Variants in POLR3D observed in about 807,000 individuals in gnomAD.
POLR3D encodes the protein DNA-directed RNA polymerase III subunit RPC4.
Under a neutral mutation model 44.5 loss-of-function variants are expected in POLR3D, and 42 were observed. The ratio of observed to expected loss-of-function variants is 0.94; its 90% CI spans 0.74 to 1.22. The LOEUF (loss-of-function observed/expected upper bound fraction) is 1.22. Ranked by LOEUF, POLR3D falls within the 50% of genes most tolerant of loss-of-function variation. The pLI is 0.00. For synonymous variants in POLR3D, 217 were observed against 198.1 expected, an observed-to-expected ratio of 1.10 and a Z score of -0.80; for missense variants, 507 against 505.2, an observed-to-expected ratio of 1.00 and a Z score of -0.03.
rs551811530 is a variant in POLR3D, at chr8:22,251,102, T to C, written c.*584T>C. The C allele has an allele frequency of 6.5e-6, 1 of 154,324 alleles. No individual in the cohort carries two copies. The highest frequency in any genetic ancestry group is 1.5e-5 in the Non-Finnish European group (1 of 68,942). 9.6% of individuals were successfully genotyped at this position (154,324 alleles called of 1,614,324 possible). On this transcript the variant is annotated 3_prime_UTR_variant, in exon 9 of 9. Coordinates refer to ENST00000306433, the MANE Select transcript of POLR3D (RefSeq NM_001722.3). ...TGGCGTGAGGATTCATGGGCTATTA[T>C]AGATGAAAACTGCACAAGGCCAGAA... is the stretch of plus-strand genomic sequence containing the variant.
rs573280917 is a variant in POLR3D, at chr8:22,253,774, C to G, written c.*3256C>G. The G allele has an allele frequency of 6.6e-6, 1 of 152,324 alleles. No homozygotes were observed. Among genetic ancestry groups the G allele is most frequent in the East Asian group, 1.9e-4 (1 of 5,188 alleles). 9.4% of individuals were successfully genotyped at this position (152,324 alleles called of 1,614,324 possible). A position where few individuals can be genotyped will look rare whatever the true frequency, so the allele number is the denominator to read the frequency against. On this transcript the variant is annotated 3_prime_UTR_variant, in exon 9 of 9. Transcript: ENST00000306433. ...TTACTGCAACTCTGTCTCCCAGGTT[C>G]AAGTGATCCTCCCGCCTCAGCCCCC...
At chr8:22,247,331 A>C in intron 3 of POLR3D, 67 bp downstream of exon 3, 14 of 1,240,562 alleles carry the variant, frequency 1.1e-5, no homozygotes, top group East Asian at 2.3e-5. Flanking sequence ...GCTTTGGGGG[A>C]AATAACTAGG....
rs377439860 is a variant in POLR3D, at chr8:22,250,356, C to T, written c.1075-40C>T. On this transcript the variant is annotated intron_variant, in intron 8 of 8. Transcript: ENST00000306433. ...CATTCACAGCTCTACACGCCGGGCA[C>T]GTGGTGGTGGTTCTCATCACTGTCT... 7.0e-5 allele frequency: 113 copies of T among 1,613,618 alleles called. 1 individual carries two copies. The African/African-American group carries it at 1.1e-3, about 16-fold the overall frequency.
In POLR3D at chr8:22,250,608, G is replaced by T. The variant is rs1830097251; in HGVS notation, c.*90G>T. On this transcript the variant is annotated 3_prime_UTR_variant, in exon 9 of 9. Transcript: ENST00000306433. Reference sequence around the variant, plus strand: ...CTTGAATCTGTGAGACCCAGAAGGGGCCCACTGAGCCCACTCACTCCAGCC... The same window carrying T: ...CTTGAATCTGTGAGACCCAGAAGGGTCCCACTGAGCCCACTCACTCCAGCC... 6.9e-7 allele frequency: 1 copy of T among 1,459,712 alleles called. No homozygotes were observed. 90.4% of individuals were successfully genotyped at this position (1,459,712 alleles called of 1,614,324 possible).
intron 7 of POLR3D, 99 bp downstream of exon 7, chr8:22,249,408 G>A (rs1830077816): frequency 1.5e-6 from 2 of 1,334,666 alleles, no homozygotes; most frequent in South Asian, 1.3e-5. Flanking sequence ...TGGCTGAAAT[G>A]GGACAATAAT....
At chr8:22,247,295 C>G in intron 3 of POLR3D, 31 bp downstream of exon 3, 2 of 1,571,686 alleles carry the variant, frequency 1.3e-6, no homozygotes, top group Non-Finnish European at 1.7e-6. Flanking sequence ...AATACTTGCC[C>G]CTTATTTACT....
In POLR3D at chr8:22,245,283, C is replaced by T. The variant is rs1830026072; in HGVS notation, c.-6+100C>T. On this transcript the variant is annotated intron_variant, in intron 1 of 8. Coordinates refer to ENST00000306433, the MANE Select transcript of POLR3D (RefSeq NM_001722.3). ...GAGGGCGTGTCGCGAGCCAAAGGCT[C>T]TCACCTGGGTGGTCCCGGGAGTCTC... is the stretch of plus-strand genomic sequence containing the variant. 3.2e-5 allele frequency: 18 copies of T among 562,124 alleles called. No homozygotes were observed. In the East Asian group the frequency reaches 5.4e-4, roughly 17 times the overall value. 34.8% of individuals were successfully genotyped at this position (562,124 alleles called of 1,614,324 possible). A position where few individuals can be genotyped will look rare whatever the true frequency, so the allele number is the denominator to read the frequency against.
In POLR3D at chr8:22,250,691, C is replaced by T. The variant is rs762474738; in HGVS notation, c.*173C>T. ...TTCCTCCCACAGCAGCTGTGAATGG[C>T]ACAGTGACCTTCCTGCAGCGTGGAG... On this transcript the variant is annotated 3_prime_UTR_variant, in exon 9 of 9. Transcript: ENST00000306433. 150 of 712,692 alleles carry T rather than the reference C, an allele frequency of 2.1e-4. No homozygotes were observed. The highest frequency in any genetic ancestry group is 3.3e-4 in the Non-Finnish European group (136 of 415,994). The allele number at this position is 712,692 out of a possible 1,614,324, so 44.1% of individuals were successfully genotyped here.
At position 22,250,712 on chromosome 8, in the gene POLR3D, T is replaced by G. The variant is rs1360822984; in HGVS notation, c.*194T>G. ...ATGGCACAGTGACCTTCCTGCAGCG[T>G]GGAGATGGCACATCCTTGCTGCTGG... On this transcript the variant is annotated 3_prime_UTR_variant, in exon 9 of 9. Coordinates refer to ENST00000306433, the MANE Select transcript of POLR3D (RefSeq NM_001722.3). The G allele has an allele frequency of 1.6e-6, 1 of 640,790 alleles. No homozygotes were observed. The highest frequency in any genetic ancestry group is 2.7e-6 in the Non-Finnish European group (1 of 364,212). 39.7% of individuals were successfully genotyped at this position (640,790 alleles called of 1,614,324 possible).
At chr8:22,247,577 C>A (rs1391557623) in intron 3 of POLR3D, among the ~76,000 whole-genome samples, 2 of 152,174 alleles carry the variant, frequency 1.3e-5, no homozygotes, top group Non-Finnish European at 2.9e-5. Flanking sequence ...ATCACACTTT[C>A]CCTGAAGTTC....
Position 22,245,558 on chromosome 8 carries a change from C to G in POLR3D, c.109C>G (p.Pro37Ala). The G allele has an allele frequency of 1.6e-6, 2 of 1,262,378 alleles. No homozygotes were observed. Among genetic ancestry groups the G allele is most frequent in the Non-Finnish European group, 2.0e-6 (2 of 995,712 alleles). 78.2% of individuals were successfully genotyped at this position (1,262,378 alleles called of 1,614,324 possible). ...GCGGCGGCCGGCGCCTCCCCTCACC[C>G]CCGGCCGCCTTCCCTCCATCCGTTC... ...IGRRPAPPLT[P>A]GRLPSIRSRD... Residue 37 changes from proline (P) to alanine (A), a missense_variant, in exon 2 of 9, where the codon CCC becomes GCC. Transcript: ENST00000306433.
At chr8:22,247,770 T>C (rs74473573) in intron 3 of POLR3D, 87 bp from the exon 4 acceptor site, 68,264 of 1,254,804 alleles carry the variant, frequency 0.054, 2,286 homozygotes, top group Admixed American at 0.1. Context: ...TCTCCACTGT[T>C]TTGGAGTGAA....
Position 22,247,265 on chromosome 8 carries a change from G to A in POLR3D, c.209+1G>A. 1 of 1,612,670 alleles carries A rather than the reference G, an allele frequency of 6.2e-7. No homozygotes were observed. The highest frequency in any genetic ancestry group is 8.5e-7 in the Non-Finnish European group (1 of 1,178,774). Reference sequence around the variant, plus strand: ...TCATCAGTCGGAAGATCAAGGAAGAGTAAGTAGCTAGGCCTTCTGAATACT... The same window carrying A: ...TCATCAGTCGGAAGATCAAGGAAGAATAAGTAGCTAGGCCTTCTGAATACT... On this transcript the variant is annotated splice_donor_variant, in intron 3 of 8. Coordinates refer to ENST00000306433, the MANE Select transcript of POLR3D (RefSeq NM_001722.3). LOFTEE classifies it high-confidence loss of function.
chr8:22,245,468 G>T lies in POLR3D; in HGVS notation c.19G>T (p.Ala7Ser). 3.1e-6 allele frequency: 4 copies of T among 1,309,110 alleles called. No homozygotes were observed. The highest frequency in any genetic ancestry group is 3.9e-6 in the Non-Finnish European group (4 of 1,021,250). The allele number at this position is 1,309,110 out of a possible 1,614,324, so 81.1% of individuals were successfully genotyped here. A position where few individuals can be genotyped will look rare whatever the true frequency, so the allele number is the denominator to read the frequency against. The change falls in exon 2 of 9, where the codon GCC becomes TCC. Residue 7 changes from alanine (A) to serine (S), a missense_variant. Coordinates refer to ENST00000306433, the MANE Select transcript of POLR3D (RefSeq NM_001722.3). MSEGNA[A>S]GEPSTPGGPR... ...AGGCAACATGTCGGAAGGAAACGCC[G>T]CCGGCGAGCCCAGCACGCCGGGAGG... is the stretch of plus-strand genomic sequence containing the variant.
intron 2 of POLR3D, among the ~76,000 whole-genome samples, chr8:22,246,438 C>T (rs911840887): frequency 2.7e-5 from 4 of 149,194 alleles, no homozygotes; most frequent in East Asian, 2.0e-4. Context: ...CCGAATAAAG[C>T]GGTTTTTTGG....
In POLR3D at chr8:22,249,273, C is replaced by T. The variant is rs139222181; in HGVS notation, c.885C>T (p.Asp295=). ...TCAAGACAGAGGTGCAGGGCGAGGACGGACAGGTGGTGCTCATCAAGCAGG... is the reference window on the plus strand; with the variant it reads ...TCAAGACAGAGGTGCAGGGCGAGGATGGACAGGTGGTGCTCATCAAGCAGG... ...KPIKTEVQGE[D]GQVVLIKQEK... Residue 295 remains aspartate, a synonymous_variant, in exon 7 of 9, where the codon GAC becomes GAT. Coordinates refer to ENST00000306433, the MANE Select transcript of POLR3D (RefSeq NM_001722.3). 7.9e-5 allele frequency: 128 copies of T among 1,613,948 alleles called. No individual in the cohort carries two copies. The African/African-American group carries it at 1.3e-3, about 16-fold the overall frequency.
rs906114133 is a variant in POLR3D at position 22,245,460 on chromosome 8, G to A, written c.11G>A (p.Gly4Glu). The stretch of plus-strand genomic sequence containing the variant: ...TCTCTCCCAGGCAACATGTCGGAAG[G>A]AAACGCCGCCGGCGAGCCCAGCACG... MSE[G>E]NAAGEPSTPG... The change falls in exon 2 of 9, where the codon GGA becomes GAA. Residue 4 changes from glycine (G) to glutamate (E), a missense_variant. Gly to Glu is a moderately conservative substitution (Grantham distance 98). Coordinates refer to ENST00000306433, the MANE Select transcript of POLR3D (RefSeq NM_001722.3). The A allele has an allele frequency of 1.5e-6, 2 of 1,309,218 alleles. No individual in the cohort carries two copies. The highest frequency in any genetic ancestry group is 3.1e-5 in the Admixed American group (1 of 32,770). 81.1% of individuals were successfully genotyped at this position (1,309,218 alleles called of 1,614,324 possible).
At chr8:22,248,867 T>C (rs1184869114) in intron 6 of POLR3D, among the ~76,000 whole-genome samples, 177 bp from the exon 7 acceptor site, 7 of 152,124 alleles carry the variant, frequency 4.6e-5, no homozygotes, top group Non-Finnish European at 1.0e-4. Flanking sequence ...GATGTCCCTT[T>C]TTAGATAAGT....
rs1830112573 is a variant in POLR3D, at chr8:22,252,423, G to A, written c.*1905G>A. 6.6e-6 allele frequency: 1 copy of A among 152,410 alleles called. No individual in the cohort carries two copies. The highest frequency in any genetic ancestry group is 2.4e-5 in the African/African-American group (1 of 41,420). 9.4% of individuals were successfully genotyped at this position (152,410 alleles called of 1,614,324 possible). A position where few individuals can be genotyped will look rare whatever the true frequency, so the allele number is the denominator to read the frequency against. On this transcript the variant is annotated 3_prime_UTR_variant, in exon 9 of 9. Transcript: ENST00000306433. Reference sequence around the variant, plus strand: ...ACTCAATGGCCCGATGTTAGATATTGGGTATTTTTCAATCTTCTGTTTTCT... The same window carrying A: ...ACTCAATGGCCCGATGTTAGATATTAGGTATTTTTCAATCTTCTGTTTTCT...
Sources: allele counts gnomAD v4.1 joint callset (sites outside exome capture counted in the v4.1 genomes callset), GRCh38; gene constraint gnomAD v4.1.1; transcripts MANE v1.5; gene names NCBI Gene and HGNC (gene_info 2026-07-23, HGNC 2026-07-21).